TMC2: variants seen among roughly 807,000 people sequenced by gnomAD.
TMC2 encodes transmembrane channel like 2.
A neutral mutation model predicts 105.9 loss-of-function variants in TMC2; 102 were observed. The observed-to-expected ratio is 0.96, with a 90% CI of 0.82 to 1.14. The LOEUF is 1.14. Ranked by LOEUF, TMC2 falls within the 50% of genes most tolerant of loss-of-function variation. The pLI, the probability that TMC2 is intolerant of heterozygous loss-of-function variation, is 0.00. For synonymous variants in TMC2, 402 were observed against 422.8 expected, an observed-to-expected ratio of 0.95 and a Z score of 0.60; for missense variants, 1,093 against 1,134.3, an observed-to-expected ratio of 0.96 and a Z score of 0.52.
chr20:2,589,553 ATTTC>A (rs767985462), intron 7 of TMC2, among the ~76,000 whole-genome samples: 18 of 152,044 alleles, frequency 1.2e-4, no homozygotes, highest in Non-Finnish European at 2.4e-4. Flanking sequence ...CTTCTTCAGA[ATTTC>A]TTTATCTCCT....
At chr20:2,579,105 G>T in intron 5 of TMC2, 41 bp from the exon 6 acceptor site, 2 of 1,161,906 alleles carry the variant, frequency 1.7e-6, no homozygotes, top group South Asian at 1.2e-5. Flanking sequence ...GCTCCAGGTT[G>T]ACATGTTAAG....
intron 14 of TMC2, among the ~76,000 whole-genome samples, chr20:2,615,745 T>C (rs966477041): frequency 6.6e-5 from 10 of 152,220 alleles, no homozygotes; most frequent in Non-Finnish European, 1.5e-4. Flanking sequence ...TTATTTGCAT[T>C]TCATTATTTA....
intron 17 of TMC2, among the ~76,000 whole-genome samples, chr20:2,633,531 G>A (rs76907840): frequency 0.023 from 3,448 of 152,256 alleles, 128 homozygotes; most frequent in African/African-American, 0.076. Flanking sequence ...GCCTCTGATT[G>A]CTTTTGCCAA....
Position 2,642,018 on chromosome 20 carries a change from G to A in TMC2, c.*667G>A, listed in dbSNP as rs2086693273. On this transcript the variant is annotated 3_prime_UTR_variant, in exon 20 of 20. Transcript: ENST00000358864. ...AAGGATCACTTGAGCCCAGGAGGCAGAGGTTGCAGTTAGCTAAGATCACGT... is the reference window on the plus strand; with the variant it reads ...AAGGATCACTTGAGCCCAGGAGGCAAAGGTTGCAGTTAGCTAAGATCACGT... Among the ~76,000 whole-genome samples the A allele has an allele frequency of 6.6e-6, 1 of 152,182 alleles. No individual in the cohort carries two copies.
At chr20:2,570,314 A>G (rs934885512) in intron 4 of TMC2, among the ~76,000 whole-genome samples, 1 of 152,230 alleles carries the variant, frequency 6.6e-6, no homozygotes, top group African/African-American at 2.4e-5. Flanking sequence ...TACAAAATCA[A>G]TGTACAAATG....
chr20:2,615,835 C>T (rs572931276), intron 14 of TMC2, among the ~76,000 whole-genome samples: 2 of 152,310 alleles, frequency 1.3e-5, no homozygotes, highest in South Asian at 2.1e-4. Flanking sequence ...AGGCGAGGGT[C>T]TTCCCAAGAA....
chr20:2,581,064 G>A (rs2086185755), intron 7 of TMC2, among the ~76,000 whole-genome samples: 1 of 152,144 alleles, frequency 6.6e-6, no homozygotes, highest in South Asian at 2.1e-4. Flanking sequence ...CTTCCTCACA[G>A]GTGTATTAAT....
intron 13 of TMC2, 29 bp from the exon 14 acceptor site, chr20:2,613,165 C>T (rs1272138163): frequency 1.0e-5 from 16 of 1,602,334 alleles, no homozygotes; most frequent in Non-Finnish European, 1.3e-5. Flanking sequence ...AGGTCTCCAA[C>T]CACCCCCTCT....
intron 1 of TMC2, 145 bp from the exon 2 acceptor site, chr20:2,537,122 CTA>C: frequency 1.4e-6 from 1 of 698,802 alleles, no homozygotes; most frequent in Non-Finnish European, 2.6e-6. Context: ...GCAGGGGACT[CTA>C]TAATTTGCTG....
chr20:2,552,476 T>C (rs1046940327), intron 2 of TMC2, among the ~76,000 whole-genome samples: 5 of 152,260 alleles, frequency 3.3e-5, no homozygotes, highest in African/African-American at 1.2e-4. Context: ...CTTCTTCATA[T>C]AGCTCTTACA....
intron 13 of TMC2, among the ~76,000 whole-genome samples, chr20:2,612,745 A>G (rs2086450503): frequency 6.6e-6 from 1 of 152,226 alleles, no homozygotes. Flanking sequence ...GAAGATGAAA[A>G]AAGCTAGGCA....
intron 5 of TMC2, among the ~76,000 whole-genome samples, chr20:2,578,756 C>A (rs996659482): frequency 3.9e-5 from 6 of 152,204 alleles, no homozygotes; most frequent in African/African-American, 1.4e-4. Flanking sequence ...CTGAGAGTAG[C>A]CAGAGTTCCT....
Position 2,610,420 on chromosome 20 carries a change from T to A in TMC2, c.1415T>A (p.Val472Glu), listed in dbSNP as rs777979232. Residue 472 changes from valine to glutamate, a missense_variant and splice_region_variant, in exon 12 of 20, where the codon GTA becomes GAA. Coordinates refer to ENST00000358864, the MANE Select transcript of TMC2 (RefSeq NM_080751.3). ...ACGTAGGCTTTCCTGATTCCTCAGG[T>A]AGAGATCGTGATGTCCCTGCTTGGA... ...QNVSWYERNEVEIVMSLLGMF... is the reference protein window; with the variant it reads ...QNVSWYERNEEEIVMSLLGMF... 1.2e-5 allele frequency: 20 copies of A among 1,610,636 alleles called. No individual in the cohort carries two copies. The highest frequency in any genetic ancestry group is 1.7e-5 in the Non-Finnish European group (20 of 1,178,116).
chr20:2,613,055 C>A, intron 13 of TMC2, 139 bp from the exon 14 acceptor site: 1 of 1,177,602 alleles, frequency 8.5e-7, no homozygotes, highest in South Asian at 1.6e-5. Context: ...CCTCTCTTCA[C>A]ACACAAAGGA....
At chr20:2,629,681 A>G (rs982566384) in intron 17 of TMC2, among the ~76,000 whole-genome samples, 11 of 152,194 alleles carry the variant, frequency 7.2e-5, no homozygotes, top group Non-Finnish European at 1.5e-4. Context: ...CAAACAGAAT[A>G]TGGATAGATT....
At position 2,642,407 on chromosome 20, in the gene TMC2, C is replaced by G. The variant is rs1179090174; in HGVS notation, c.*1056C>G. Among the ~76,000 whole-genome samples, 1 of 152,110 alleles carries G rather than the reference C, an allele frequency of 6.6e-6. No individual in the cohort carries two copies. The highest frequency in any genetic ancestry group is 2.4e-5 in the African/African-American group (1 of 41,408). On this transcript the variant is annotated 3_prime_UTR_variant, in exon 20 of 20. Transcript: ENST00000358864. The stretch of plus-strand genomic sequence containing the variant: ...GGAGCGAGTGAGTTGCCCAGTGCCT[C>G]TTATCTTGGAAGGAAACCTGCCTTA...
intron 18 of TMC2, among the ~76,000 whole-genome samples, chr20:2,637,166 A>C (rs978236445): frequency 6.6e-6 from 1 of 151,678 alleles, no homozygotes; most frequent in African/African-American, 2.4e-5. Flanking sequence ...AGGCCGGTGG[A>C]TCACCTCAAG....
At chr20:2,559,555 T>G (rs537031107) in intron 3 of TMC2, among the ~76,000 whole-genome samples, 2 of 152,360 alleles carry the variant, frequency 1.3e-5, no homozygotes, top group African/African-American at 4.8e-5. Context: ...AGAATAGGAA[T>G]TCTTTTGCAA....
In TMC2 at chr20:2,617,004, C is replaced by T. The variant is rs149718587; in HGVS notation, c.1941-68C>T. On this transcript the variant is annotated intron_variant, in intron 15 of 19. Transcript: ENST00000358864. ...GCCCCTAACCCATCCGTCCCATTTCCTTCTATCACCCTTCCCTCGCCTTCC... is the reference window on the plus strand; with the variant it reads ...GCCCCTAACCCATCCGTCCCATTTCTTTCTATCACCCTTCCCTCGCCTTCC... The T allele has an allele frequency of 9.5e-4, 1,526 of 1,598,282 alleles. 14 individuals carry two copies. In the African/African-American group the frequency reaches 0.018, roughly 19 times the overall value.
Sources: allele counts gnomAD v4.1 joint callset (sites outside exome capture counted in the v4.1 genomes callset), GRCh38; gene constraint gnomAD v4.1.1; transcripts MANE v1.5; gene names NCBI Gene and HGNC (gene_info 2026-07-23, HGNC 2026-07-21).